P4HTM: variants seen among roughly 807,000 people sequenced by gnomAD.
P4HTM encodes the protein prolyl 4-hydroxylase, transmembrane, also known as transmembrane prolyl 4-hydroxylase.
A neutral mutation model predicts 55.3 loss-of-function variants in P4HTM; 33 were observed. That is an observed-to-expected ratio of 0.60 (90% confidence interval 0.45 to 0.80). The LOEUF is 0.80. Among genes scored for constraint, P4HTM ranks in the 30% least tolerant of loss-of-function variants. P4HTM has a pLI of 0.00. For synonymous variants in P4HTM, 272 were observed against 286.4 expected, an observed-to-expected ratio of 0.95 and a Z score of 0.51; for missense variants, 542 against 696.5, an observed-to-expected ratio of 0.78 and a Z score of 2.50.
Position 49,001,595 on chromosome 3 carries a change from C to A in P4HTM, c.594C>A (p.Asp198Glu). The A allele has an allele frequency of 1.2e-6, 2 of 1,613,148 alleles. No homozygotes were observed. The highest frequency in any genetic ancestry group is 1.7e-6 in the Non-Finnish European group (2 of 1,179,520). The change falls in exon 3 of 9, where the codon GAC becomes GAA. Residue 198 changes from aspartate (D) to glutamate (E), a missense_variant. By Grantham distance (45) the Asp-to-Glu change is conservative. Transcript: ENST00000383729. ...VSQLDLFRLL[D>E]QNRDGHLQLR... ...AGCTGGACCTCTTCCGGCTGCTGGA[C>A]CAGAACCGTGATGGGCACCTTCAGC... is the stretch of plus-strand genomic sequence containing the variant.
In P4HTM at chr3:49,005,749, C is replaced by T. The variant is rs2092976628; in HGVS notation, c.1074-28C>T. 6.3e-7 allele frequency: 1 copy of T among 1,577,364 alleles called. No homozygotes were observed. The highest frequency in any genetic ancestry group is 1.9e-5 in the Admixed American group (1 of 52,718). ...CCCTGGGAGCATCCACAACTGGGGA[C>T]CTGCTCAGTGCCCCCCCTGCCTTAC... On this transcript the variant is annotated intron_variant, in intron 6 of 8. Coordinates refer to ENST00000383729, the MANE Select transcript of P4HTM (RefSeq NM_177939.3).
rs1279779368 is a variant in P4HTM at position 49,004,254 on chromosome 3, G to A, written c.881G>A (p.Arg294His). 13 of 1,546,772 alleles carry A rather than the reference G, an allele frequency of 8.4e-6. No individual in the cohort carries two copies. Among genetic ancestry groups the A allele is most frequent in the African/African-American group, 1.4e-5 (1 of 72,978 alleles). Residue 294 changes from arginine (R) to histidine (H), a missense_variant, in exon 5 of 9, where the codon CGC (arginine) becomes CAC (histidine). Arg to His is a conservative substitution (Grantham distance 29). Transcript: ENST00000383729. The part of the protein sequence containing the change: ...EGAHHIMRAI[R>H]QRVLRLTRLS... ...GCCCACCACATCATGCGTGCCATCC[G>A]CCAGAGGTGAGCACCTGAAGCTGTT...
rs1305763957 is a variant in P4HTM, at chr3:49,002,560, A to G, written c.688A>G (p.Met230Val). Residue 230 changes from methionine (M) to valine (V), a missense_variant, in exon 4 of 9, where the codon ATG (methionine) becomes GTG (valine). Physicochemically the swap from Met to Val is conservative, Grantham distance 21. Around this residue, in one of 2 missense-constraint regions of P4HTM, gnomAD observed 536 missense variants for 672.1 expected, o/e 0.80. Coordinates refer to ENST00000383729, the MANE Select transcript of P4HTM (RefSeq NM_177939.3). This position sits in a 1 kb window ranked among gnomAD's most constrained non-coding sequence, Gnocchi z 4.4. ...GATGACTCCAGAGAGCATTCAGGAG[A>G]TGTACGCCGCGATCAAGGCTGACCC... ...WWMTPESIQEMYAAIKADPDG... is the reference protein window; with the variant it reads ...WWMTPESIQEVYAAIKADPDG... 1 of 1,614,038 alleles carries G rather than the reference A, an allele frequency of 6.2e-7. No homozygotes were observed.
At chr3:49,004,652 G>C (rs1385901982) in intron 5 of P4HTM, 9 of 598,866 alleles carry the variant, frequency 1.5e-5, no homozygotes, top group Non-Finnish European at 2.4e-5. Context: ...CCACATAGCA[G>C]GTGTCTCTGT....
intron 2 of P4HTM, chr3:49,001,115 G>C (rs2092959771): frequency 4.7e-6 from 2 of 422,252 alleles, no homozygotes; most frequent in Admixed American, 7.1e-5. Context: ...CTGCCCTTCA[G>C]GATCACTCTC....
intron 2 of P4HTM, among the ~76,000 whole-genome samples, chr3:48,994,758 A>G (rs2092940570): frequency 6.6e-6 from 1 of 152,048 alleles, no homozygotes. Flanking sequence ...CTGTCATAGC[A>G]GATCAGATCT....
intron 5 of P4HTM, chr3:49,004,596 C>A: frequency 1.8e-6 from 1 of 570,712 alleles, no homozygotes; most frequent in Non-Finnish European, 3.1e-6. Flanking sequence ...GGGAGGAGGA[C>A]CTCAGGACTC....
intron 2 of P4HTM, among the ~76,000 whole-genome samples, chr3:48,995,204 C>A (rs886451714): frequency 2.0e-5 from 3 of 152,158 alleles, no homozygotes; most frequent in Non-Finnish European, 4.4e-5. Context: ...CCTGCCCCCA[C>A]CCCCGACTCC....
intron 2 of P4HTM, among the ~76,000 whole-genome samples, chr3:48,992,637 CAGA>C (rs960762086): frequency 1.4e-5 from 2 of 143,898 alleles, no homozygotes; most frequent in Non-Finnish European, 3.0e-5. Context: ...GACAGTAAGG[CAGA>C]AGTTCAGCTG....
rs1017446231 is a variant in P4HTM at position 49,006,192 on chromosome 3, G to A, written c.1288+5G>A. The A allele has an allele frequency of 1.2e-6, 2 of 1,610,922 alleles. No individual in the cohort carries two copies. Among genetic ancestry groups the A allele is most frequent in the Admixed American group, 1.7e-5 (1 of 59,986 alleles). ...ACTACCTGCCTGATGGGCAAGGTGA[G>A]GGCCTATGGCCAGGCCTGGGGGGGG... On this transcript the variant is annotated splice_donor_5th_base_variant and intron_variant, in intron 8 of 8. Coordinates refer to ENST00000383729, the MANE Select transcript of P4HTM (RefSeq NM_177939.3).
Position 48,990,621 on chromosome 3 carries a change from C to A in P4HTM, c.354+11C>A. ...CTGGAGGGCATCAAGGTGAGGACCT[C>A]CCTGCCCCGCCGCGCTCCAGGCCCT... is the stretch of plus-strand genomic sequence containing the variant. On this transcript the variant is annotated intron_variant, in intron 1 of 8. Coordinates refer to ENST00000383729, the MANE Select transcript of P4HTM (RefSeq NM_177939.3). The surrounding 1 kb of genome is among the most constrained non-coding windows in gnomAD (Gnocchi z 7.2). The A allele has an allele frequency of 6.5e-7, 1 of 1,539,916 alleles. No individual in the cohort carries two copies. Among genetic ancestry groups the A allele is most frequent in the South Asian group, 1.2e-5 (1 of 83,990 alleles).
chr3:48,990,780 C>G lies in P4HTM; in HGVS notation c.355-53C>G, dbSNP rs2092928992. The G allele has an allele frequency of 6.3e-7, 1 of 1,582,304 alleles. No individual in the cohort carries two copies. The highest frequency in any genetic ancestry group is 1.7e-5 in the Admixed American group (1 of 59,200). ...TCCGGGCCGGGGCGACTTGGCCCTT[C>G]TTGGGCAGCGCGGTCTGGCGCCCCA... On this transcript the variant is annotated intron_variant, in intron 1 of 8. Transcript: ENST00000383729. The surrounding 1 kb of genome is among the most constrained non-coding windows in gnomAD (Gnocchi z 7.2).
Position 48,990,284 on chromosome 3 carries a change from C to A in P4HTM, c.28C>A (p.Arg10=). The A allele has an allele frequency of 7.9e-7, 1 of 1,264,098 alleles. No homozygotes were observed. Among genetic ancestry groups the A allele is most frequent in the African/African-American group, 1.6e-5 (1 of 63,936 alleles). 78.3% of individuals were successfully genotyped at this position (1,264,098 alleles called of 1,614,324 possible). The change falls in exon 1 of 9, where the codon CGG becomes AGG. Residue 10 remains arginine, a synonymous_variant. Coordinates refer to ENST00000383729, the MANE Select transcript of P4HTM (RefSeq NM_177939.3). This position sits in a 1 kb window ranked among gnomAD's most constrained non-coding sequence, Gnocchi z 7.2. MAAAAVTGQ[R]PETAAAEEAS... The stretch of plus-strand genomic sequence containing the variant: ...GGCGGCAGCGGCGGTGACAGGCCAG[C>A]GGCCTGAGACCGCGGCGGCCGAGGA...
intron 2 of P4HTM, among the ~76,000 whole-genome samples, chr3:49,000,170 T>G (rs1342517158): frequency 6.6e-6 from 1 of 152,156 alleles, no homozygotes; most frequent in Non-Finnish European, 1.5e-5. Flanking sequence ...GTATAAGGAT[T>G]AAGGAGTTGA....
intron 7 of P4HTM, 68 bp downstream of exon 7, chr3:49,005,935 T>A: frequency 2.6e-6 from 4 of 1,535,678 alleles, no homozygotes. Context: ...TACACACCTC[T>A]CCAGGTCTAA....
In P4HTM at chr3:49,001,489, C is replaced by A; in HGVS notation, c.488C>A (p.Ala163Glu). ...DEECRLIIHL[A>E]QMKGLQRSQI... Reference sequence around the variant, plus strand: ...GAGTGTCGGCTCATCATCCATCTGGCGCAGATGAAGGGGTTACAGCGCAGC... The same window carrying A: ...GAGTGTCGGCTCATCATCCATCTGGAGCAGATGAAGGGGTTACAGCGCAGC... Residue 163 changes from alanine (A) to glutamate (E), a missense_variant, in exon 3 of 9, where the codon GCG becomes GAG. Ala to Glu is a moderately radical substitution (Grantham distance 107). This residue lies in a region of P4HTM where 536 missense variants were observed against 672.1 expected (regional missense o/e 0.80). Transcript: ENST00000383729. The A allele has an allele frequency of 6.2e-7, 1 of 1,613,856 alleles. No individual in the cohort carries two copies. Among genetic ancestry groups the A allele is most frequent in the Non-Finnish European group, 8.5e-7 (1 of 1,180,018 alleles).
Position 48,990,472 on chromosome 3 carries a change from G to A in P4HTM, c.216G>A (p.Leu72=). 3 of 1,611,296 alleles carry A rather than the reference G, an allele frequency of 1.9e-6. No homozygotes were observed. The highest frequency in any genetic ancestry group is 2.5e-6 in the Non-Finnish European group (3 of 1,179,476). The change falls in exon 1 of 9, where the codon CTG becomes CTA. Residue 72 remains leucine (L), a synonymous_variant. Transcript: ENST00000383729. The surrounding 1 kb of genome is among the most constrained non-coding windows in gnomAD (Gnocchi z 7.2). The stretch of plus-strand genomic sequence containing the variant: ...TGATGGTGTTCGTGCACCTGTACCT[G>A]GGTAACGTGCTGGCGCTGCTGCTCT... ...LVLMVFVHLY[L]GNVLALLLFV... is the part of the protein sequence containing the mutation.
In P4HTM at chr3:49,006,247, C is replaced by A. The variant is rs1344513532; in HGVS notation, c.1288+60C>A. On this transcript the variant is annotated intron_variant, in intron 8 of 8. Coordinates refer to ENST00000383729, the MANE Select transcript of P4HTM (RefSeq NM_177939.3). ...CTGAGTACAGCTTCCCTTTACCCAG[C>A]CCCCGTCTGCCACAATGGAGGGCTG... is the stretch of plus-strand genomic sequence containing the variant. 3.9e-6 allele frequency: 6 copies of A among 1,551,798 alleles called. No individual in the cohort carries two copies. In the South Asian group the frequency reaches 4.5e-5, roughly 12 times the overall value.
At position 49,006,820 on chromosome 3, in the gene P4HTM, G is replaced by A. The variant is rs774259726; in HGVS notation, c.1422G>A (p.Met474Ile). Reference sequence around the variant, plus strand: ...GGCAAGCGCTGTTCCAACAGGAGATGGCCCGCCTTGCCCGAGAAGGGGGCA... The same window carrying A: ...GGCAAGCGCTGTTCCAACAGGAGATAGCCCGCCTTGCCCGAGAAGGGGGCA... The part of the protein sequence containing the change: ...RARQALFQQE[M>I]ARLAREGGTD... The change falls in exon 9 of 9, where the codon ATG (methionine) becomes ATA (isoleucine). Residue 474 changes from methionine (M) to isoleucine (I), a missense_variant. Around this residue, in one of 2 missense-constraint regions of P4HTM, gnomAD observed 536 missense variants for 672.1 expected, o/e 0.80. Coordinates refer to ENST00000383729, the MANE Select transcript of P4HTM (RefSeq NM_177939.3). The A allele has an allele frequency of 1.2e-6, 2 of 1,613,414 alleles. No homozygotes were observed. Among genetic ancestry groups the A allele is most frequent in the Non-Finnish European group, 1.7e-6 (2 of 1,180,022 alleles).
Sources: allele counts gnomAD v4.1 joint callset (sites outside exome capture counted in the v4.1 genomes callset), GRCh38; gene constraint gnomAD v4.1.1; regional missense constraint gnomAD v4.1.1; non-coding constraint Gnocchi (gnomAD v3.1); transcripts MANE v1.5; gene names NCBI Gene and HGNC (gene_info 2026-07-23, HGNC 2026-07-21).